Variants in ADAMTSL1 observed in about 807,000 individuals in gnomAD.
ADAMTSL1 encodes ADAMTS like 1.
A neutral mutation model predicts 201.8 loss-of-function variants in ADAMTSL1; 126 were observed. The observed-to-expected ratio is 0.62, with a 90% CI of 0.54 to 0.72. The LOEUF (loss-of-function observed/expected upper bound fraction) is 0.72, where lower values mean the gene tolerates loss of function less well. Among genes scored for constraint, ADAMTSL1 ranks in the 30% least tolerant of loss-of-function variants. The pLI is 0.00. For missense variants in ADAMTSL1, 2,679 were observed against 2,277.8 expected (o/e 1.18, Z -3.59); for synonymous variants, 1,121 against 903.4 (o/e 1.24, Z -4.32).
chr9:17,918,591 A>G (rs1010564652), intron 1 of ADAMTSL1, among the ~76,000 whole-genome samples: 3 of 151,892 alleles, frequency 2.0e-5, no homozygotes, highest in African/African-American at 7.2e-5. Flanking sequence ...GTACACTTGA[A>G]AAGAATTAAA....
intron 1 of ADAMTSL1, among the ~76,000 whole-genome samples, chr9:17,990,591 T>G (rs1451869380): frequency 6.6e-6 from 1 of 152,102 alleles, no homozygotes; most frequent in Admixed American, 6.6e-5. Flanking sequence ...TCACCTTGAG[T>G]TGAGCTCATT....
chr9:18,761,866 C>G (rs1299279970), intron 16 of ADAMTSL1, among the ~76,000 whole-genome samples: 2 of 152,230 alleles, frequency 1.3e-5, no homozygotes, highest in Non-Finnish European at 2.9e-5. Flanking sequence ...CTGACATTTA[C>G]TCAGCTAGAT....
At chr9:18,719,643 C>T (rs1436379112) in intron 14 of ADAMTSL1, among the ~76,000 whole-genome samples, 1 of 152,214 alleles carries the variant, frequency 6.6e-6, no homozygotes, top group Admixed American at 6.5e-5. Flanking sequence ...GGATTACAGG[C>T]ATGAGCCACT....
At chr9:18,405,319 C>T (rs927660963) in intron 2 of ADAMTSL1, among the ~76,000 whole-genome samples, 3 of 152,102 alleles carry the variant, frequency 2.0e-5, no homozygotes, top group Non-Finnish European at 2.9e-5. Flanking sequence ...TCTTCATTTA[C>T]GTAGATAGAA....
chr9:18,877,114 C>CTATT (rs1321032667), intron 23 of ADAMTSL1, among the ~76,000 whole-genome samples: 2 of 152,020 alleles, frequency 1.3e-5, no homozygotes, highest in South Asian at 2.1e-4. Context: ...TTTATGCTGT[C>CTATT]TATTTCTCTG....
intron 19 of ADAMTSL1, among the ~76,000 whole-genome samples, chr9:18,778,982 A>C (rs1821224200): frequency 6.6e-6 from 1 of 152,240 alleles, no homozygotes; most frequent in African/African-American, 2.4e-5. Context: ...TTGTTTGACT[A>C]ATAGTCTTCT....
intron 2 of ADAMTSL1, among the ~76,000 whole-genome samples, chr9:18,303,313 C>A (rs994258849): frequency 2.0e-5 from 3 of 152,192 alleles, no homozygotes; most frequent in Non-Finnish European, 4.4e-5. Flanking sequence ...AGACCTTTCT[C>A]CACACTTTGA....
intron 2 of ADAMTSL1, among the ~76,000 whole-genome samples, chr9:18,267,762 T>TAAAAAAAAAAAAAAA (rs72030473): frequency 4.8e-5 from 6 of 125,270 alleles, no homozygotes; most frequent in African/African-American, 1.0e-4. Flanking sequence ...CAAAGGCTAT[T>TAAAAAAAAAAAAAAA]AAAAAAAAAA....
chr9:18,582,245 AC>A (rs1196713254), intron 4 of ADAMTSL1, among the ~76,000 whole-genome samples: 5 of 152,120 alleles, frequency 3.3e-5, no homozygotes, highest in Admixed American at 6.5e-5. Flanking sequence ...AAATGCTAGT[AC>A]CTTTTTGTTT....
intron 2 of ADAMTSL1, among the ~76,000 whole-genome samples, chr9:18,347,088 A>G (rs1835757694): frequency 6.6e-6 from 1 of 152,124 alleles, no homozygotes; most frequent in Admixed American, 6.6e-5. Flanking sequence ...GCAGAGGCTC[A>G]TCTTGTTTGA....
intron 1 of ADAMTSL1, among the ~76,000 whole-genome samples, chr9:18,163,100 C>G (rs1019065546): frequency 1.3e-5 from 2 of 151,938 alleles, no homozygotes; most frequent in Non-Finnish European, 2.9e-5. Flanking sequence ...TTGCCTCTCA[C>G]CAGAGGTAGC....
chr9:18,293,284 A>G (rs531325214), intron 2 of ADAMTSL1, among the ~76,000 whole-genome samples: 33 of 152,350 alleles, frequency 2.2e-4, no homozygotes, highest in African/African-American at 7.7e-4. Context: ...TTTGTCCCGT[A>G]ATGGGATTGC....
chr9:18,049,507 A>T (rs181864836), intron 1 of ADAMTSL1, among the ~76,000 whole-genome samples: 28 of 152,342 alleles, frequency 1.8e-4, no homozygotes, highest in African/African-American at 6.5e-4. Context: ...GCCATCTTAT[A>T]ACCATGTGAG....
chr9:18,089,864 G>A (rs1166994343), intron 1 of ADAMTSL1, among the ~76,000 whole-genome samples: 2 of 152,184 alleles, frequency 1.3e-5, no homozygotes, highest in Non-Finnish European at 2.9e-5. Flanking sequence ...ACGATATTGA[G>A]TGGTGCACTT....
intron 4 of ADAMTSL1, among the ~76,000 whole-genome samples, chr9:18,618,773 C>T (rs544479914): frequency 2.0e-5 from 3 of 152,150 alleles, no homozygotes; most frequent in African/African-American, 7.2e-5. Flanking sequence ...AAGTCAGCTT[C>T]TTTTAAGTAG....
At chr9:18,362,205 T>C (rs891010887) in intron 2 of ADAMTSL1, 1 of 152,206 alleles carries the variant, frequency 6.6e-6, no homozygotes, top group Non-Finnish European at 1.5e-5. Flanking sequence ...CCATACAATT[T>C]TGTTCTCACC....
At chr9:18,498,517 T>C (rs931558095) in intron 1 of ADAMTSL1, among the ~76,000 whole-genome samples, 2 of 152,112 alleles carry the variant, frequency 1.3e-5, no homozygotes, top group Non-Finnish European at 2.9e-5. Context: ...TTTGTGTTTG[T>C]AGTAACGATG....
At chr9:18,051,655 C>G (rs1821947286) in intron 1 of ADAMTSL1, among the ~76,000 whole-genome samples, 1 of 151,722 alleles carries the variant, frequency 6.6e-6, no homozygotes, top group African/African-American at 2.4e-5. Context: ...CATGCCTATC[C>G]AGTTATTATC....
intron 2 of ADAMTSL1, among the ~76,000 whole-genome samples, chr9:18,368,392 T>C (rs188373447): frequency 1.1e-3 from 161 of 152,316 alleles, no homozygotes; most frequent in African/African-American, 3.8e-3. Context: ...TTTGTAGAGA[T>C]GCCTGCGGTC....
Sources: allele counts gnomAD v4.1 joint callset (sites outside exome capture counted in the v4.1 genomes callset), GRCh38; gene constraint gnomAD v4.1.1; transcripts MANE v1.5; gene names NCBI Gene and HGNC (gene_info 2026-07-23, HGNC 2026-07-21).